C4orf50: variants seen among roughly 807,000 people sequenced by gnomAD.
C4orf50 encodes uncharacterized protein C4orf50.
C4orf50 carries 80 observed loss-of-function variants against 77.2 expected under a neutral mutation model. The observed-to-expected ratio is 1.04, with a 90% CI of 0.87 to 1.25. The LOEUF is 1.25. C4orf50 is among the 50% of genes most tolerant of loss of function. C4orf50 has a pLI of 0.00. For synonymous variants in C4orf50, 532 were observed against 465.3 expected (o/e 1.14, Z -1.84); for missense variants, 1,257 against 1,152.9 (o/e 1.09, Z -1.31).
intron 24 of C4orf50, among the ~76,000 whole-genome samples, chr4:6,010,773 T>C: frequency 6.6e-6 from 1 of 152,220 alleles, no homozygotes; most frequent in South Asian, 2.1e-4. Context: ...CTCTGCAGCC[T>C]TTCCTAAAAG....
intron 7 of C4orf50, among the ~76,000 whole-genome samples, chr4:5,921,478 A>G (rs538920432): frequency 1.3e-5 from 2 of 152,350 alleles, no homozygotes; most frequent in Admixed American, 6.5e-5. Context: ...GAATGCCGTG[A>G]GACAGTGCAG....
intron 25 of C4orf50, among the ~76,000 whole-genome samples, chr4:5,997,423 T>C (rs1172345237): frequency 6.6e-6 from 1 of 152,304 alleles, no homozygotes; most frequent in East Asian, 1.9e-4. Flanking sequence ...CATTGTCTAG[T>C]TTACCCCTTC....
Position 6,018,447 on chromosome 4 carries a change from T to A in C4orf50, c.-16A>T, listed in dbSNP as rs1193803353. ...TTGGCTCCATCTCAGAAATATTTCA[T>A]GGGGCAAGACTTAATAATAAAATTA... On this transcript the variant is annotated 5_prime_UTR_variant, in exon 23 of 34. Transcript: ENST00000531445. The surrounding 1 kb of genome is among the most constrained non-coding windows in gnomAD (Gnocchi z 5.1). The A allele has an allele frequency of 1.3e-5, 5 of 398,848 alleles. No individual in the cohort carries two copies. The highest frequency in any genetic ancestry group is 2.2e-5 in the Non-Finnish European group (5 of 226,074). 24.7% of individuals were successfully genotyped at this position (398,848 alleles called of 1,614,324 possible). A position where few individuals can be genotyped will look rare whatever the true frequency, so the allele number is the denominator to read the frequency against.
At chr4:5,926,094 C>T (rs942561964) in intron 7 of C4orf50, among the ~76,000 whole-genome samples, 9 of 152,176 alleles carry the variant, frequency 5.9e-5, no homozygotes, top group African/African-American at 1.4e-4. Context: ...TTTCGCCCAA[C>T]GTGTCTTTCA....
intron 7 of C4orf50, among the ~76,000 whole-genome samples, chr4:5,924,418 C>T (rs12500189): frequency 3.3e-5 from 5 of 152,000 alleles, no homozygotes; most frequent in African/African-American, 4.8e-5. Flanking sequence ...CCTATCTTAG[C>T]GAGAACTGGG....
At chr4:5,909,788 G>A (rs1038929762) in intron 7 of C4orf50, among the ~76,000 whole-genome samples, 3 of 152,124 alleles carry the variant, frequency 2.0e-5, no homozygotes, top group African/African-American at 7.2e-5. Flanking sequence ...TATGTTCTTG[G>A]CACCTCTGTT....
intron 23 of C4orf50, among the ~76,000 whole-genome samples, chr4:6,012,731 C>A (rs972603965): frequency 6.6e-6 from 1 of 152,160 alleles, no homozygotes; most frequent in African/African-American, 2.4e-5. Flanking sequence ...GGGAGGGAGA[C>A]ACACGCAGGG....
intron 32 of C4orf50, among the ~76,000 whole-genome samples, chr4:5,966,459 AG>A (rs899372538): frequency 4.6e-5 from 7 of 151,834 alleles, no homozygotes; most frequent in Admixed American, 4.6e-4. Flanking sequence ...TGGGCGACAG[AG>A]GGAGACTCCC....
exon 28 of C4orf50, chr4:5,990,212 C>T: frequency 8.0e-7 from 1 of 1,244,816 alleles, no homozygotes; most frequent in Non-Finnish European, 1.0e-6. Context: ...CAGGTGGCGG[C>T]CTTAGTCTCT....
chr4:5,996,889 T>C (rs537601636), intron 25 of C4orf50, among the ~76,000 whole-genome samples: 4 of 152,378 alleles, frequency 2.6e-5, no homozygotes, highest in Non-Finnish European at 5.9e-5. Context: ...CCCATTCAGC[T>C]GCCTCTTGTC....
chr4:5,974,401 C>T (rs1342549075), intron 30 of C4orf50, among the ~76,000 whole-genome samples: 6 of 150,812 alleles, frequency 4.0e-5, no homozygotes, highest in Non-Finnish European at 7.3e-5. Context: ...CCAGCTACCA[C>T]GTCTGCAGGG....
chr4:5,990,752 A>G (rs1560588485), exon 28 of C4orf50: 1 of 399,110 alleles, frequency 2.5e-6, no homozygotes, highest in East Asian at 3.6e-5. Flanking sequence ...GACTCGTCCA[A>G]GCACTCCTCT....
intron 30 of C4orf50, 144 bp from the exon 9 acceptor site, chr4:5,973,985 C>G: frequency 1.5e-6 from 1 of 663,204 alleles, no homozygotes; most frequent in Admixed American, 3.1e-5. Context: ...CTCCTCCCTG[C>G]GAAGCCTCCC....
intron 7 of C4orf50, among the ~76,000 whole-genome samples, chr4:5,910,195 TA>T (rs944253835): frequency 6.6e-6 from 1 of 152,124 alleles, no homozygotes; most frequent in Non-Finnish European, 1.5e-5. Context: ...GAAACATACA[TA>T]AAAAAACCCC....
chr4:6,008,361 C>T lies in C4orf50; in HGVS notation c.598G>A (p.Glu200Lys). 1 of 391,780 alleles carries T rather than the reference C, an allele frequency of 2.6e-6. No individual in the cohort carries two copies. 24.3% of individuals were successfully genotyped at this position (391,780 alleles called of 1,614,324 possible). Residue 200 changes from glutamate to lysine, a missense_variant, in exon 25 of 34, where the codon GAG becomes AAG. Transcript: ENST00000531445. This position sits in a 1 kb window ranked among gnomAD's most constrained non-coding sequence, Gnocchi z 6.0. ...TTGCGCTCCAGCCGCTGCACCTGCT[C>T]CCGCAGGACGCGCTCCTGCTCCCGC...
intron 7 of C4orf50, among the ~76,000 whole-genome samples, chr4:5,913,014 T>C (rs1377682625): frequency 6.6e-6 from 1 of 152,166 alleles, no homozygotes; most frequent in East Asian, 1.9e-4. Flanking sequence ...CTCTAGAAAT[T>C]AGCCAGCCCT....
chr4:5,991,859 G>A (rs115285323), intron 27 of C4orf50, among the ~76,000 whole-genome samples: 1,525 of 152,290 alleles, frequency 0.01, 26 homozygotes, highest in African/African-American at 0.035. Flanking sequence ...AGGGGCCACC[G>A]CATCCCTGCT....
In C4orf50 at chr4:5,966,930, G is replaced by A. The variant is rs144566304; in HGVS notation, c.4153+484C>T. Among the ~76,000 whole-genome samples, 667 of 152,344 alleles carry A rather than the reference G, an allele frequency of 4.4e-3. 4 individuals are homozygous for A. Among genetic ancestry groups the A allele is most frequent in the Non-Finnish European group, 6.1e-3 (416 of 68,026 alleles). On this transcript the variant is annotated intron_variant, in intron 32 of 33. Coordinates refer to ENST00000531445, the Ensembl canonical transcript of C4orf50. ...CCCAAAGTGCTGGGATTACAGGCGTGAGCCACTGCGCCTGGCCCATATCCT... is the reference window on the plus strand; with the variant it reads ...CCCAAAGTGCTGGGATTACAGGCGTAAGCCACTGCGCCTGGCCCATATCCT...
rs554447162 is a variant in C4orf50 at position 5,960,601 on chromosome 4, A to G, written c.4276-975T>C. Among the ~76,000 whole-genome samples, 545 of 152,310 alleles carry G rather than the reference A, an allele frequency of 3.6e-3. 2 individuals are homozygous for G. Among genetic ancestry groups the G allele is most frequent in the African/African-American group, 0.012 (519 of 41,570 alleles). On this transcript the variant is annotated intron_variant, in intron 33 of 33. Transcript: ENST00000531445. ...TTGTCCCTGCCCTCAGAGCACTTCC[A>G]ATCCAGTGGGAGAGGCAGACACATA... is the stretch of plus-strand genomic sequence containing the variant.
Sources: allele counts gnomAD v4.1 joint callset (sites outside exome capture counted in the v4.1 genomes callset), GRCh38; gene constraint gnomAD v4.1.1; non-coding constraint Gnocchi (gnomAD v3.1); transcripts MANE v1.5; gene names NCBI Gene and HGNC (gene_info 2026-07-23, HGNC 2026-07-21).